SEC24B: variants seen among roughly 807,000 people sequenced by gnomAD.
SEC24B encodes the protein protein transport protein Sec24B.
Under a neutral mutation model 142.8 loss-of-function variants are expected in SEC24B, and 45 were observed. The ratio of observed to expected loss-of-function variants is 0.32; its 90% CI spans 0.25 to 0.40. The LOEUF is 0.40. Ranked by LOEUF, SEC24B falls within the 10% of genes least tolerant of loss-of-function variation. SEC24B has a pLI of 1.00. For missense variants in SEC24B, 1,409 were observed against 1,526.8 expected, an observed-to-expected ratio of 0.92 and a Z score of 1.29; for synonymous variants, 574 against 568.2, an observed-to-expected ratio of 1.01 and a Z score of -0.15.
chr4:109,524,132 T>A (rs185169166), intron 14 of SEC24B, among the ~76,000 whole-genome samples: 5 of 152,284 alleles, frequency 3.3e-5, no homozygotes, highest in Admixed American at 3.3e-4. Context: ...TTGTTTTGAT[T>A]TGTTTTGTTT....
At chr4:109,434,158 C>A (rs1263605969) in intron 1 of SEC24B, among the ~76,000 whole-genome samples, 156 bp downstream of exon 1, 6 of 122,758 alleles carry the variant, frequency 4.9e-5, no homozygotes, top group Non-Finnish European at 8.7e-5. Flanking sequence ...CCGCGGGGTC[C>A]GGGTTGGGTG....
intron 1 of SEC24B, among the ~76,000 whole-genome samples, chr4:109,461,113 C>A (rs146144826): frequency 6.6e-6 from 1 of 152,208 alleles, no homozygotes; most frequent in East Asian, 1.9e-4. Flanking sequence ...TTAAGGAAAT[C>A]GCAATGCTAC....
intron 2 of SEC24B, among the ~76,000 whole-genome samples, chr4:109,464,136 GT>G (rs1561089616): frequency 6.6e-6 from 1 of 152,140 alleles, no homozygotes. Flanking sequence ...CGTAAACAGT[GT>G]TTCTCATTTT....
At chr4:109,535,516 A>G (rs960921043) in intron 22 of SEC24B, among the ~76,000 whole-genome samples, 7 of 151,292 alleles carry the variant, frequency 4.6e-5, no homozygotes, top group African/African-American at 1.7e-4. Flanking sequence ...AGATTGCGCC[A>G]CTGCACTCCA....
chr4:109,448,649 G>A (rs375400993), intron 1 of SEC24B, among the ~76,000 whole-genome samples: 1 of 152,082 alleles, frequency 6.6e-6, no homozygotes, highest in Non-Finnish European at 1.5e-5. Flanking sequence ...CGCCATGTTG[G>A]TCAGGCTGTT....
intron 7 of SEC24B, 137 bp downstream of exon 7, chr4:109,506,649 A>T (rs1736719396): frequency 8.3e-6 from 5 of 604,148 alleles, no homozygotes; most frequent in Non-Finnish European, 1.3e-5. Context: ...GTTTGTATAG[A>T]TGTAAAATTT....
Position 109,494,800 on chromosome 4 carries a change from A to G in SEC24B, c.1432A>G (p.Ile478Val). The G allele has an allele frequency of 6.2e-7, 1 of 1,614,088 alleles. No individual in the cohort carries two copies. Among genetic ancestry groups the G allele is most frequent in the Non-Finnish European group, 8.5e-7 (1 of 1,180,002 alleles). ...TTATCAGAATGCTACAGCACCACTT[A>G]TTTCTGGAGTACAGCCCAGTAACCC... Reference protein sequence around the residue: ...PGYQNATAPLISGVQPSNPVY... With the variant: ...PGYQNATAPLVSGVQPSNPVY... The change falls in exon 6 of 24, where the codon ATT (isoleucine) becomes GTT (valine). Residue 478 changes from isoleucine (I) to valine (V), a missense_variant. Physicochemically the swap from Ile to Val is conservative, Grantham distance 29. Transcript: ENST00000265175.
chr4:109,448,954 A>G (rs1384935605), intron 1 of SEC24B, among the ~76,000 whole-genome samples: 2 of 147,008 alleles, frequency 1.4e-5, no homozygotes, highest in African/African-American at 5.0e-5. Context: ...TTTTCCAATG[A>G]CTTCCTCGTT....
At chr4:109,494,465 C>G in intron 5 of SEC24B, 150 bp from the exon 6 acceptor site, 2 of 779,286 alleles carry the variant, frequency 2.6e-6, no homozygotes, top group Non-Finnish European at 4.1e-6. Flanking sequence ...GTTCATCATT[C>G]CCCCTACTTT....
chr4:109,438,163 T>C (rs1728589353), intron 1 of SEC24B, among the ~76,000 whole-genome samples: 3 of 152,224 alleles, frequency 2.0e-5, no homozygotes, highest in African/African-American at 7.2e-5. Context: ...GGTGGCAGTT[T>C]TTTCTGTCTC....
rs544634563 is a variant in SEC24B at position 109,463,658 on chromosome 4, A to G, written c.877+14A>G. ...CAACCATTACTGGTAGGTTGAATGA[A>G]AAGTTCACCAAAACATGTTTGAAAA... On this transcript the variant is annotated intron_variant, in intron 2 of 23. Transcript: ENST00000265175. The G allele has an allele frequency of 2.5e-6, 4 of 1,599,890 alleles. No individual in the cohort carries two copies. The highest frequency in any genetic ancestry group is 4.5e-5 in the East Asian group (2 of 44,624).
chr4:109,518,887 G>A (rs1723283637), intron 11 of SEC24B, among the ~76,000 whole-genome samples: 1 of 148,442 alleles, frequency 6.7e-6, no homozygotes, highest in Non-Finnish European at 1.5e-5. Context: ...GCTCGCTGCA[G>A]CCTTGACCTC....
intron 4 of SEC24B, among the ~76,000 whole-genome samples, chr4:109,483,913 A>G (rs1039892540): frequency 6.6e-6 from 1 of 152,158 alleles, no homozygotes; most frequent in Admixed American, 6.5e-5. Context: ...CTATCAACAT[A>G]TTTTTGCTAT....
intron 14 of SEC24B, among the ~76,000 whole-genome samples, chr4:109,523,640 A>G (rs34953524): frequency 5.9e-5 from 9 of 152,152 alleles, no homozygotes; most frequent in Non-Finnish European, 1.2e-4. Flanking sequence ...TGGCCTTAAC[A>G]TATTTGAGAA....
intron 23 of SEC24B, among the ~76,000 whole-genome samples, chr4:109,539,016 C>T (rs896083674): frequency 3.6e-4 from 55 of 151,904 alleles, no homozygotes; most frequent in African/African-American, 1.1e-3. Context: ...GGCTGGAGTG[C>T]GATGGTGCGA....
chr4:109,456,065 G>A (rs1730637097), intron 1 of SEC24B, among the ~76,000 whole-genome samples: 1 of 152,014 alleles, frequency 6.6e-6, no homozygotes. Flanking sequence ...TCAGCGTTTT[G>A]TAGTTTTCTT....
intron 3 of SEC24B, among the ~76,000 whole-genome samples, chr4:109,478,062 A>T (rs1337019269): frequency 2.0e-5 from 3 of 152,138 alleles, no homozygotes; most frequent in African/African-American, 7.2e-5. Flanking sequence ...TGGGTGGATC[A>T]TTTGAGGTCA....
intron 7 of SEC24B, among the ~76,000 whole-genome samples, chr4:109,508,622 T>C (rs1736979064): frequency 6.6e-6 from 1 of 151,910 alleles, no homozygotes. Context: ...AGAGAACCCA[T>C]AGGTAAGGGG....
At chr4:109,451,911 T>C (rs967006353) in intron 1 of SEC24B, among the ~76,000 whole-genome samples, 2 of 152,256 alleles carry the variant, frequency 1.3e-5, no homozygotes, top group African/African-American at 4.8e-5. Flanking sequence ...GTCTGTATTC[T>C]AGCCTAGGTT....
Sources: allele counts gnomAD v4.1 joint callset (sites outside exome capture counted in the v4.1 genomes callset), GRCh38; gene constraint gnomAD v4.1.1; transcripts MANE v1.5; gene names NCBI Gene and HGNC (gene_info 2026-07-23, HGNC 2026-07-21).